The following PTPRN2 variants were observed in gnomAD, a reference collection of about 807,000 sequenced individuals.
PTPRN2 encodes the protein protein tyrosine phosphatase receptor type N2, also known as receptor-type tyrosine-protein phosphatase N2.
A neutral mutation model predicts 118.8 loss-of-function variants in PTPRN2; 74 were observed. The ratio of observed to expected loss-of-function variants is 0.62; its 90% CI spans 0.52 to 0.76. PTPRN2 has a LOEUF of 0.76. Among genes scored for constraint, PTPRN2 ranks in the 30% least tolerant of loss-of-function variants. PTPRN2 has a pLI of 0.00. For missense variants in PTPRN2, 1,481 were observed against 1,394.4 expected (o/e 1.06, Z -0.99); for synonymous variants, 641 against 608.0 (o/e 1.05, Z -0.80).
chr7:157,982,459 C>CA, intron 11 of PTPRN2, among the ~76,000 whole-genome samples: 1 of 129,830 alleles, frequency 7.7e-6, no homozygotes, highest in South Asian at 2.7e-4. Flanking sequence ...AGGGTCCCCC[C>CA]AAACCCTGAG....
At chr7:157,597,812 G>A (rs1027366296) in intron 16 of PTPRN2, among the ~76,000 whole-genome samples, 5 of 152,322 alleles carry the variant, frequency 3.3e-5, no homozygotes, top group Admixed American at 1.3e-4. Flanking sequence ...CCCACCTGCC[G>A]TCCTGTGGGG....
intron 11 of PTPRN2, among the ~76,000 whole-genome samples, chr7:157,948,552 G>A (rs1247531034): frequency 1.3e-5 from 2 of 152,174 alleles, no homozygotes; most frequent in African/African-American, 4.8e-5. Flanking sequence ...GAAAAAAGGT[G>A]TAAGACATAC....
At chr7:157,937,952 T>C (rs964184750) in intron 11 of PTPRN2, among the ~76,000 whole-genome samples, 1 of 152,216 alleles carries the variant, frequency 6.6e-6, no homozygotes, top group Admixed American at 6.5e-5. Flanking sequence ...TGTTGTTTTA[T>C]TTTCCTTTGA....
rs1799152083 is a variant in PTPRN2 at position 157,560,836 on chromosome 7, T to G, written c.2902+8066A>C. Among the ~76,000 whole-genome samples the G allele has an allele frequency of 6.6e-6, 1 of 152,164 alleles. No individual in the cohort carries two copies. The highest frequency in any genetic ancestry group is 2.4e-5 in the African/African-American group (1 of 41,442). ...GTCCCTTTCCCACTGGCCCTTCGTG[T>G]TTTCATGTTTCAGCCAAACATAAAA... On this transcript the variant is annotated intron_variant, in intron 21 of 22. Coordinates refer to ENST00000389418, the MANE Select transcript of PTPRN2 (RefSeq NM_002847.5). This position sits in a 1 kb window ranked among gnomAD's most constrained non-coding sequence, Gnocchi z 6.7.
Position 157,874,520 on chromosome 7 carries a change from G to A in PTPRN2, c.1788+24153C>T, listed in dbSNP as rs1400283077. Among the ~76,000 whole-genome samples the A allele has an allele frequency of 2.0e-5, 3 of 152,120 alleles. No homozygotes were observed. Among genetic ancestry groups the A allele is most frequent in the East Asian group, 3.9e-4 (2 of 5,192 alleles). On this transcript the variant is annotated intron_variant, in intron 12 of 22. Transcript: ENST00000389418. This position sits in a 1 kb window ranked among gnomAD's most constrained non-coding sequence, Gnocchi z 5.8. ...AGGAAGTTCATGTCCCCCTTAACTC[G>A]AGCTTTTATTTCAGTGAAGCTTCGG... is the stretch of plus-strand genomic sequence containing the variant.
chr7:158,023,546 AG>A (rs1454181663), intron 11 of PTPRN2, among the ~76,000 whole-genome samples: 2 of 152,198 alleles, frequency 1.3e-5, no homozygotes, highest in Non-Finnish European at 2.9e-5. Context: ...ACTGCAAAGG[AG>A]AAGAGCCGAG....
At chr7:157,992,296 G>A (rs532710502) in intron 11 of PTPRN2, among the ~76,000 whole-genome samples, 8 of 152,338 alleles carry the variant, frequency 5.3e-5, no homozygotes, top group East Asian at 1.9e-4. Flanking sequence ...ATGGCGACAC[G>A]TTCTCTGGAA....
chr7:158,089,904 A>C (rs73748038), intron 10 of PTPRN2, among the ~76,000 whole-genome samples: 19 of 18,004 alleles, frequency 1.1e-3, no homozygotes, highest in Non-Finnish European at 5.5e-3. Flanking sequence ...TCTTCACACA[A>C]ACCTGTCTTC....
At chr7:157,771,727 A>T (rs894352967) in intron 12 of PTPRN2, among the ~76,000 whole-genome samples, 10 of 151,910 alleles carry the variant, frequency 6.6e-5, no homozygotes, top group African/African-American at 2.4e-4. Context: ...ACACACACAG[A>T]CGCACAAACA....
At position 157,779,049 on chromosome 7, in the gene PTPRN2, G is replaced by T. The variant is rs1411761346; in HGVS notation, c.1789-96112C>A. Among the ~76,000 whole-genome samples the T allele has an allele frequency of 1.3e-5, 2 of 152,246 alleles. No individual in the cohort carries two copies. Among genetic ancestry groups the T allele is most frequent in the Non-Finnish European group, 2.9e-5 (2 of 68,040 alleles). Reference sequence around the variant, plus strand: ...GCCAGGTGGCCGTGTTCTCTGAGGGGTTGTGCCGGGGTCTTCAGACAGTGC... The same window carrying T: ...GCCAGGTGGCCGTGTTCTCTGAGGGTTTGTGCCGGGGTCTTCAGACAGTGC... On this transcript the variant is annotated intron_variant, in intron 12 of 22. Transcript: ENST00000389418. The surrounding 1 kb of genome is among the most constrained non-coding windows in gnomAD (Gnocchi z 4.7).
rs1452237994 is a variant in PTPRN2 at position 158,569,666 on chromosome 7, T to TGACAGG, written c.112+17891_112+17892insCCTGTC. On this transcript the variant is annotated intron_variant, in intron 1 of 22. Transcript: ENST00000389418. ...CAAGAACGCGGGGCGCGAGGCCGCC[T>TGACAGG]AACTGACAGGAACGCGGGGCGCGAG... Among the ~76,000 whole-genome samples, 20 of 120,602 alleles carry TGACAGG rather than the reference T, an allele frequency of 1.7e-4. 1 individual carries two copies. Among genetic ancestry groups the TGACAGG allele is most frequent in the African/African-American group, 5.1e-4 (16 of 31,154 alleles). 79.1% of individuals were successfully genotyped at this position (120,602 alleles called of 152,430 possible). A position where few individuals can be genotyped will look rare whatever the true frequency, so the allele number is the denominator to read the frequency against.
At chr7:158,274,421 CGCAG>C (rs1798815404) in intron 3 of PTPRN2, among the ~76,000 whole-genome samples, 2 of 115,210 alleles carry the variant, frequency 1.7e-5, no homozygotes, top group African/African-American at 6.8e-5. Context: ...CAGGGGGAGC[CGCAG>C]ACAGACATGG....
At position 157,787,926 on chromosome 7, in the gene PTPRN2, G is replaced by C. The variant is rs553393877; in HGVS notation, c.1789-104989C>G. Among the ~76,000 whole-genome samples, 1,126 of 152,264 alleles carry C rather than the reference G, an allele frequency of 7.4e-3. 13 individuals carry two copies. Among genetic ancestry groups the C allele is most frequent in the African/African-American group, 0.026 (1,067 of 41,552 alleles). On this transcript the variant is annotated intron_variant, in intron 12 of 22. Transcript: ENST00000389418. The surrounding 1 kb of genome is among the most constrained non-coding windows in gnomAD (Gnocchi z 5.3). ...ATCGACGTCCCCAAGACACTGACAG[G>C]CCTGGAGGTCTGGACAATGGGGAGC...
intron 22 of PTPRN2, among the ~76,000 whole-genome samples, chr7:157,543,379 C>T (rs1365170116): frequency 6.6e-6 from 1 of 152,254 alleles, no homozygotes; most frequent in South Asian, 2.1e-4. Context: ...TGAGGTGGGA[C>T]GGCCGAGCCA....
chr7:158,403,223 C>G (rs561086894), intron 2 of PTPRN2, among the ~76,000 whole-genome samples: 5 of 152,222 alleles, frequency 3.3e-5, no homozygotes, highest in Non-Finnish European at 5.9e-5. Context: ...GCCAGGGGAG[C>G]ACATGTGAGC....
At position 158,436,305 on chromosome 7, in the gene PTPRN2, C is replaced by A. The variant is rs186466199; in HGVS notation, c.163+53430G>T. ...TGCCAGAAGCCCCTGCAGTCTTTTCCCAAGAGTCATCTGTTGATGGAGTCT... is the reference window on the plus strand; with the variant it reads ...TGCCAGAAGCCCCTGCAGTCTTTTCACAAGAGTCATCTGTTGATGGAGTCT... On this transcript the variant is annotated intron_variant, in intron 2 of 22. Transcript: ENST00000389418. Among the ~76,000 whole-genome samples, 108 of 152,324 alleles carry A rather than the reference C, an allele frequency of 7.1e-4. 1 individual carries two copies. Among genetic ancestry groups the A allele is most frequent in the Admixed American group, 5.1e-3 (78 of 15,300 alleles).
chr7:157,791,663 C>T (rs1005661743), intron 12 of PTPRN2, among the ~76,000 whole-genome samples: 1 of 152,116 alleles, frequency 6.6e-6, no homozygotes, highest in East Asian at 1.9e-4. Flanking sequence ...GTCACCCTCT[C>T]GACCAAGAGC....
At chr7:157,613,910 C>A (rs1018705186) in intron 15 of PTPRN2, 1 of 405,864 alleles carries the variant, frequency 2.5e-6, no homozygotes, top group African/African-American at 2.1e-5. Flanking sequence ...GCTATCCGGA[C>A]TCCTCGAGCC....
intron 3 of PTPRN2, among the ~76,000 whole-genome samples, chr7:158,273,740 C>T (rs1308744590): frequency 4.6e-5 from 6 of 130,682 alleles, no homozygotes; most frequent in African/African-American, 9.0e-5. Context: ...CACAAGGAGC[C>T]GCAGACACAG....
Sources: allele counts gnomAD v4.1 joint callset (sites outside exome capture counted in the v4.1 genomes callset), GRCh38; gene constraint gnomAD v4.1.1; non-coding constraint Gnocchi (gnomAD v3.1); transcripts MANE v1.5; gene names NCBI Gene and HGNC (gene_info 2026-07-23, HGNC 2026-07-21).